The following LRMDA variants were observed in gnomAD, a reference collection of about 807,000 sequenced individuals.
LRMDA encodes the protein leucine-rich melanocyte differentiation-associated protein.
A neutral mutation model predicts 29.8 loss-of-function variants in LRMDA; 18 were observed. That is an observed-to-expected ratio of 0.60 (90% CI 0.42 to 0.90). LRMDA has a LOEUF of 0.90. Among genes scored for constraint, LRMDA ranks in the 40% least tolerant of loss-of-function variants. The pLI is 0.00. For missense variants in LRMDA, 273 were observed against 273.9 expected, an observed-to-expected ratio of 1.00 and a Z score of 0.02; for synonymous variants, 125 against 109.4, an observed-to-expected ratio of 1.14 and a Z score of -0.89.
intron 6 of LRMDA, among the ~76,000 whole-genome samples, chr10:76,441,725 C>T (rs1329411200): frequency 6.6e-6 from 1 of 152,144 alleles, no homozygotes; most frequent in African/African-American, 2.4e-5. Context: ...CTGTGTACCT[C>T]CTCTTGTTCT....
In LRMDA at chr10:76,077,991, C is replaced by CTTTTT. The variant is rs1564646877; in HGVS notation, c.516+19208_516+19209insTTTTT. On this transcript the variant is annotated intron_variant, in intron 5 of 6. Transcript: ENST00000611255. ...TTCCTACCCCTAACTGCAATATTAACATTTTTTTTTTTTTTTTTTTTTTTT... is the reference window on the plus strand; with the variant it reads ...TTCCTACCCCTAACTGCAATATTAACTTTTTATTTTTTTTTTTTTTTTTTTTTTTT... 1.4e-4 allele frequency among the ~76,000 whole-genome samples: 12 copies of CTTTTT among 83,432 alleles called. 2 individuals carry two copies. Among genetic ancestry groups the CTTTTT allele is most frequent in the East Asian group, 4.3e-4 (1 of 2,320 alleles). The allele number at this position is 83,432 out of a possible 152,430, so 54.7% of individuals were successfully genotyped here.
chr10:75,776,641 G>T (rs1589196678), intron 2 of LRMDA, among the ~76,000 whole-genome samples: 2 of 152,198 alleles, frequency 1.3e-5, no homozygotes, highest in Non-Finnish European at 2.9e-5. Flanking sequence ...GACACTATTA[G>T]CAAGGGAATT....
chr10:76,522,217 AAGCT>A (rs1267602319), intron 6 of LRMDA, among the ~76,000 whole-genome samples: 1 of 151,632 alleles, frequency 6.6e-6, no homozygotes, highest in Non-Finnish European at 1.5e-5. Flanking sequence ...CACAAAACAT[AAGCT>A]ATTTAACCAC....
intron 2 of LRMDA, among the ~76,000 whole-genome samples, chr10:75,489,862 G>A (rs1726480957): frequency 6.6e-6 from 1 of 152,144 alleles, no homozygotes; most frequent in Admixed American, 6.5e-5. Context: ...ATGGATGAAT[G>A]TCATGGGTAA....
chr10:75,829,226 A>G (rs557102613), intron 2 of LRMDA, among the ~76,000 whole-genome samples: 1 of 152,256 alleles, frequency 6.6e-6, no homozygotes, highest in Admixed American at 6.5e-5. Flanking sequence ...GCTCCACACC[A>G]AAGCAGGCAT....
chr10:75,572,048 G>T (rs1199472627), intron 2 of LRMDA, among the ~76,000 whole-genome samples: 1 of 152,082 alleles, frequency 6.6e-6, no homozygotes, highest in Non-Finnish European at 1.5e-5. Context: ...CTGCCTCCCG[G>T]GTTCAAGCGA....
At chr10:76,481,441 G>A (rs1220417166) in intron 6 of LRMDA, among the ~76,000 whole-genome samples, 2 of 151,856 alleles carry the variant, frequency 1.3e-5, no homozygotes, top group East Asian at 3.9e-4. Flanking sequence ...ATCTCTTGCT[G>A]CTTTGGAGCT....
intron 2 of LRMDA, among the ~76,000 whole-genome samples, chr10:75,884,403 C>T (rs929449135): frequency 1.3e-5 from 2 of 152,190 alleles, no homozygotes; most frequent in East Asian, 3.9e-4. Context: ...ACTATTTTCT[C>T]AGGGCTGCTG....
chr10:76,052,427 A>G (rs1352993322), intron 4 of LRMDA, among the ~76,000 whole-genome samples: 3 of 151,882 alleles, frequency 2.0e-5, no homozygotes, highest in Non-Finnish European at 2.9e-5. Flanking sequence ...GGGAGCAGCC[A>G]TTGCCCTGGG....
At chr10:75,981,496 T>G (rs138665026) in intron 2 of LRMDA, among the ~76,000 whole-genome samples, 2 of 152,220 alleles carry the variant, frequency 1.3e-5, no homozygotes, top group African/African-American at 4.8e-5. Flanking sequence ...CAATAGTTAC[T>G]CTTCTACTGG....
chr10:75,693,235 G>A (rs1272739930), intron 2 of LRMDA, among the ~76,000 whole-genome samples: 1 of 152,110 alleles, frequency 6.6e-6, no homozygotes, highest in Admixed American at 6.5e-5. Context: ...GGGAGTGAGG[G>A]AGAGAAAAAA....
At chr10:76,117,923 A>T (rs144727833) in intron 5 of LRMDA, among the ~76,000 whole-genome samples, 340 of 152,310 alleles carry the variant, frequency 2.2e-3, no homozygotes, top group African/African-American at 7.8e-3. Flanking sequence ...ATTGCTATAT[A>T]GGCTGAGATG....
At chr10:75,531,301 GGTTA>G (rs1845474584) in intron 2 of LRMDA, among the ~76,000 whole-genome samples, 2 of 152,208 alleles carry the variant, frequency 1.3e-5, no homozygotes, top group African/African-American at 2.4e-5. Flanking sequence ...GGACAATGCA[GGTTA>G]GTTCTGAAGG....
At chr10:76,091,285 G>A (rs1267105537) in intron 5 of LRMDA, among the ~76,000 whole-genome samples, 1,900 of 57,386 alleles carry the variant, frequency 0.033, 43 homozygotes, top group African/African-American at 0.093. Flanking sequence ...ACGTGTGTGT[G>A]TGTGTGTGTG....
chr10:76,245,118 C>T (rs1165851867), intron 5 of LRMDA, among the ~76,000 whole-genome samples: 3 of 152,108 alleles, frequency 2.0e-5, no homozygotes, highest in Admixed American at 1.3e-4. Context: ...GTTTGGCATG[C>T]TTGCTGGGGA....
chr10:75,832,086 C>A (rs544323438), intron 2 of LRMDA, among the ~76,000 whole-genome samples: 223 of 152,288 alleles, frequency 1.5e-3, no homozygotes, highest in Middle Eastern at 6.8e-3. Context: ...TTCCATCTTA[C>A]ATTTCTGTAG....
In LRMDA at chr10:76,460,264, A is replaced by G. The variant is rs554361917; in HGVS notation, c.602-96945A>G. Reference sequence around the variant, plus strand: ...TGCTTTGAGATCTTTAACCTGCATCAGGATCACCCAGAGGATATGTGGAAA... The same window carrying G: ...TGCTTTGAGATCTTTAACCTGCATCGGGATCACCCAGAGGATATGTGGAAA... On this transcript the variant is annotated intron_variant, in intron 6 of 6. Coordinates refer to ENST00000611255, the MANE Select transcript of LRMDA (RefSeq NM_001305581.2). 4.6e-5 allele frequency among the ~76,000 whole-genome samples: 7 copies of G among 152,358 alleles called. No individual in the cohort carries two copies. In the East Asian group the frequency reaches 5.8e-4, roughly 13 times the overall value.
chr10:76,447,373 CTGAT>C (rs1386932808), intron 6 of LRMDA, among the ~76,000 whole-genome samples: 2 of 152,102 alleles, frequency 1.3e-5, no homozygotes, highest in Non-Finnish European at 2.9e-5. Context: ...AAATTTTCCT[CTGAT>C]TGTTGAGTTC....
chr10:75,743,126 G>C lies in LRMDA; in HGVS notation c.132-292882G>C, dbSNP rs560843982. On this transcript the variant is annotated intron_variant, in intron 2 of 6. Transcript: ENST00000611255. ...TGCCCACAAGGGAGCGAGGGAGCTG[G>C]GAGGGGGTGGTAAGAGATGAGGTGG... 2.6e-5 allele frequency among the ~76,000 whole-genome samples: 4 copies of C among 152,220 alleles called. No homozygotes were observed. The South Asian group carries it at 6.2e-4, about 24-fold the overall frequency.
Sources: gnomAD v4.1 joint callset for allele counts (sites outside exome capture counted in the v4.1 genomes callset) on GRCh38, gnomAD v4.1.1 for gene constraint, MANE v1.5 for transcripts, NCBI Gene and HGNC (gene_info 2026-07-23, HGNC 2026-07-21) for gene names.